The following ZHX3 variants were observed in gnomAD, a reference collection of about 807,000 sequenced individuals.
The protein encoded by ZHX3 is zinc fingers and homeoboxes protein 3.
In ZHX3, 20 loss-of-function variants were observed where a neutral mutation model predicts 64.5. The observed-to-expected ratio is 0.31, with a 90% CI of 0.22 to 0.45. The LOEUF is 0.45. Ranked by LOEUF, ZHX3 falls within the 20% of genes least tolerant of loss-of-function variation. The probability of loss-of-function intolerance (pLI) is 1.00; values close to 1 mark genes in which losing one functional copy is unlikely to be tolerated. For missense variants in ZHX3, 1,041 were observed against 1,195.8 expected (o/e 0.87, Z 1.91); for synonymous variants, 423 against 461.6 (o/e 0.92, Z 1.07).
chr20:41,282,341 G>A (rs1004094171), intron 1 of ZHX3, among the ~76,000 whole-genome samples: 18 of 141,808 alleles, frequency 1.3e-4, no homozygotes, highest in African/African-American at 4.4e-4. Flanking sequence ...TGTCTTAGAG[G>A]TCCATTAGAC....
chr20:41,185,010 T>A lies in ZHX3; in HGVS notation c.*181A>T. On this transcript the variant is annotated 3_prime_UTR_variant, in exon 4 of 4. Coordinates refer to ENST00000683867, the MANE Select transcript of ZHX3 (RefSeq NM_001384317.1). This position sits in a 1 kb window ranked among gnomAD's most constrained non-coding sequence, Gnocchi z 5.0. ...CCCATCTTGCTTGCTGCTTGCTTGG[T>A]GGTGGGCAGGCCGAGGGTAGCGGCA... 1 of 1,551,250 alleles carries A rather than the reference T, an allele frequency of 6.4e-7. No individual in the cohort carries two copies. The highest frequency in any genetic ancestry group is 2.4e-5 in the East Asian group (1 of 40,904).
intron 1 of ZHX3, among the ~76,000 whole-genome samples, chr20:41,286,495 T>C (rs1435957383): frequency 6.6e-6 from 1 of 152,236 alleles, no homozygotes; most frequent in Admixed American, 6.5e-5. Context: ...ATACTTATTA[T>C]AGTCAAGATT....
intron 3 of ZHX3, among the ~76,000 whole-genome samples, chr20:41,189,524 G>T (rs1244454970): frequency 6.6e-6 from 1 of 152,112 alleles, no homozygotes; most frequent in Non-Finnish European, 1.5e-5. Flanking sequence ...GTGTTTTACA[G>T]TTTTCCTTGC....
At chr20:41,196,548 A>T (rs1463079751) in intron 3 of ZHX3, 2 of 56,972 alleles carry the variant, frequency 3.5e-5, no homozygotes, top group African/African-American at 1.5e-4. Flanking sequence ...TATTATATAT[A>T]ATATATATTA....
chr20:41,207,856 G>A (rs2038850163), intron 2 of ZHX3, among the ~76,000 whole-genome samples: 1 of 152,166 alleles, frequency 6.6e-6, no homozygotes, highest in African/African-American at 2.4e-5. Flanking sequence ...GAGCAGAACT[G>A]AAGGAGATAG....
chr20:41,229,385 G>A (rs907221419), intron 2 of ZHX3, among the ~76,000 whole-genome samples: 2 of 151,972 alleles, frequency 1.3e-5, no homozygotes, highest in African/African-American at 4.8e-5. Flanking sequence ...ATCTCTTTGA[G>A]TCCCTACTAT....
In ZHX3 at chr20:41,232,828, C is replaced by G. The variant is rs1056084254; in HGVS notation, c.-150-27762G>C. 2.6e-5 allele frequency among the ~76,000 whole-genome samples: 4 copies of G among 152,030 alleles called. No individual in the cohort carries two copies. In the South Asian group the frequency reaches 8.3e-4, roughly 32 times the overall value. Reference sequence around the variant, plus strand: ...TCTCGATCTCCTGACCTCGTGATCCCCCCGCCTCGGCCTCCCAAAGTGCTG... The same window carrying G: ...TCTCGATCTCCTGACCTCGTGATCCGCCCGCCTCGGCCTCCCAAAGTGCTG... On this transcript the variant is annotated intron_variant, in intron 2 of 3. Coordinates refer to ENST00000683867, the MANE Select transcript of ZHX3 (RefSeq NM_001384317.1). The surrounding 1 kb of genome is among the most constrained non-coding windows in gnomAD (Gnocchi z 5.0).
At chr20:41,230,546 C>T (rs188447796) in intron 2 of ZHX3, among the ~76,000 whole-genome samples, 2 of 152,202 alleles carry the variant, frequency 1.3e-5, no homozygotes, top group Admixed American at 6.5e-5. Flanking sequence ...TTGAGATGTA[C>T]TGTAAATGTA....
chr20:41,303,722 C>A (rs1181878105), intron 1 of ZHX3, among the ~76,000 whole-genome samples: 1 of 152,212 alleles, frequency 6.6e-6, no homozygotes, highest in African/African-American at 2.4e-5. Flanking sequence ...CTTATCCTTT[C>A]TCTTCCTGAA....
At chr20:41,186,830 G>A (rs1350379949) in intron 3 of ZHX3, among the ~76,000 whole-genome samples, 1 of 152,074 alleles carries the variant, frequency 6.6e-6, no homozygotes, top group East Asian at 1.9e-4. Flanking sequence ...AATTGGTTTT[G>A]TTGTTCAGTT....
intron 2 of ZHX3, among the ~76,000 whole-genome samples, chr20:41,217,008 T>C (rs957160169): frequency 4.4e-4 from 67 of 152,324 alleles, no homozygotes; most frequent in Admixed American, 3.3e-4. Context: ...CATTTTCCTA[T>C]GGGATGTCAA....
rs891367446 is a variant in ZHX3, at chr20:41,179,322, C to G, written c.*5869G>C. The G allele has an allele frequency of 2.0e-5, 3 of 152,202 alleles. No homozygotes were observed. Among genetic ancestry groups the G allele is most frequent in the Admixed American group, 6.5e-5 (1 of 15,286 alleles). 9.4% of individuals were successfully genotyped at this position (152,202 alleles called of 1,614,324 possible). A position where few individuals can be genotyped will look rare whatever the true frequency, so the allele number is the denominator to read the frequency against. Reference sequence around the variant, plus strand: ...CCGACCCAGTCTAACCGAGAACAACCGGATTGCTGTGCTGGGTCCCTGCTG... The same window carrying G: ...CCGACCCAGTCTAACCGAGAACAACGGGATTGCTGTGCTGGGTCCCTGCTG... On this transcript the variant is annotated 3_prime_UTR_variant, in exon 4 of 4. Transcript: ENST00000683867. This position sits in a 1 kb window ranked among gnomAD's most constrained non-coding sequence, Gnocchi z 4.3.
At chr20:41,284,499 G>A (rs2043840717) in intron 1 of ZHX3, among the ~76,000 whole-genome samples, 1 of 152,032 alleles carries the variant, frequency 6.6e-6, no homozygotes, top group Non-Finnish European at 1.5e-5. Flanking sequence ...ATACCCAAGT[G>A]CCCAACCCCT....
intron 1 of ZHX3, among the ~76,000 whole-genome samples, chr20:41,272,595 C>T (rs1451861217): frequency 1.3e-5 from 2 of 152,194 alleles, no homozygotes; most frequent in African/African-American, 4.8e-5. Context: ...AAAATTACCT[C>T]TTGTGGATAT....
At position 41,204,298 on chromosome 20, in the gene ZHX3, G is replaced by A. The variant is rs375215491; in HGVS notation, c.619C>T (p.Pro207Ser). Reference protein sequence around the residue: ...KKIHTLKENVPSQPVGEALPK... With the variant: ...KKIHTLKENVSSQPVGEALPK... ...AAGGCCTCACCCACAGGCTGGCTAG[G>A]GACATTCTCCTTGAGTGTATGAATT... The change falls in exon 3 of 4, where the codon CCT becomes TCT. Residue 207 changes from proline to serine, a missense_variant. This residue lies in a region of ZHX3 where 358 missense variants were observed against 369.1 expected (regional missense o/e 0.97). Transcript: ENST00000683867. The surrounding 1 kb of genome is among the most constrained non-coding windows in gnomAD (Gnocchi z 6.6). 9 of 1,614,072 alleles carry A rather than the reference G, an allele frequency of 5.6e-6. No individual in the cohort carries two copies. The African/African-American group carries it at 1.1e-4, about 19-fold the overall frequency.
At chr20:41,279,257 C>T (rs552787580) in intron 1 of ZHX3, among the ~76,000 whole-genome samples, 1 of 152,224 alleles carries the variant, frequency 6.6e-6, no homozygotes, top group South Asian at 2.1e-4. Context: ...ATAAGAATGT[C>T]TATACTTTTA....
intron 2 of ZHX3, among the ~76,000 whole-genome samples, chr20:41,247,455 A>G (rs958735932): frequency 1.3e-5 from 2 of 152,162 alleles, no homozygotes; most frequent in Non-Finnish European, 2.9e-5. Context: ...CTTTTGCACA[A>G]TGGAAATCAT....
At chr20:41,244,956 A>G (rs1303523880) in intron 2 of ZHX3, among the ~76,000 whole-genome samples, 1 of 152,168 alleles carries the variant, frequency 6.6e-6, no homozygotes, top group Non-Finnish European at 1.5e-5. Flanking sequence ...AAAGAAAAGA[A>G]GGGAGTAGAG....
rs1226685576 is a variant in ZHX3 at position 41,179,610 on chromosome 20, TTTTAACTCCAGTCACA to T, written c.*5565_*5580del. ...GTGACTAAACAACCTGACATTTCACTTTTAACTCCAGTCACATTAAGTTTTTTTTTTTTTTTTGAGA... is the reference window on the plus strand; with the variant it reads ...GTGACTAAACAACCTGACATTTCACTTTAAGTTTTTTTTTTTTTTTTGAGA... On this transcript the variant is annotated 3_prime_UTR_variant, in exon 4 of 4. Transcript: ENST00000683867. The surrounding 1 kb of genome is among the most constrained non-coding windows in gnomAD (Gnocchi z 4.3). 5.3e-5 allele frequency: 8 copies of T among 152,146 alleles called. No homozygotes were observed. The highest frequency in any genetic ancestry group is 9.7e-5 in the African/African-American group (4 of 41,418). 9.4% of individuals were successfully genotyped at this position (152,146 alleles called of 1,614,324 possible). A position where few individuals can be genotyped will look rare whatever the true frequency, so the allele number is the denominator to read the frequency against.
Sources: allele counts gnomAD v4.1 joint callset (sites outside exome capture counted in the v4.1 genomes callset), GRCh38; gene constraint gnomAD v4.1.1; regional missense constraint gnomAD v4.1.1; non-coding constraint Gnocchi (gnomAD v3.1); transcripts MANE v1.5; gene names NCBI Gene and HGNC (gene_info 2026-07-23, HGNC 2026-07-21).